The following ZNF347 variants were observed in gnomAD, a reference collection of about 807,000 sequenced individuals.
ZNF347 encodes the protein CTD-2620I22.7.
A neutral mutation model predicts 12.9 loss-of-function variants in ZNF347; 19 were observed. That is an observed-to-expected ratio of 1.47 (90% CI 1.03 to 2.16). ZNF347 has a LOEUF of 2.16. Among genes scored for constraint, ZNF347 ranks in the 30% most tolerant of loss-of-function variants. The probability of loss-of-function intolerance (pLI) is 0.00; values close to 1 mark genes in which losing one functional copy is unlikely to be tolerated. For synonymous variants in ZNF347, 328 were observed against 340.6 expected, an observed-to-expected ratio of 0.96 and a Z score of 0.41; for missense variants, 1,005 against 990.6, an observed-to-expected ratio of 1.01 and a Z score of -0.19.
chr19:53,152,116 G>T (rs780698886), intron 2 of ZNF347, among the ~76,000 whole-genome samples: 1 of 140,786 alleles, frequency 7.1e-6, no homozygotes, highest in African/African-American at 2.6e-5. Context: ...AAAAAATCAT[G>T]ATGTGTGCTT....
At chr19:53,148,078 C>G (rs1157223383) in intron 4 of ZNF347, among the ~76,000 whole-genome samples, 1 of 152,132 alleles carries the variant, frequency 6.6e-6, no homozygotes, top group East Asian at 1.9e-4. Flanking sequence ...AAACTGAAAG[C>G]CTTTCTGCTA....
In ZNF347 at chr19:53,138,975, T is replaced by TAA. The variant is rs1365159134; in HGVS notation, c.*1331_*1332dup. ...TTTCTGACCAAGCTCTCCACTCTAA[T>TAA]AACTGTTACCTCTTCAATTTCAAAA... On this transcript the variant is annotated 3_prime_UTR_variant, in exon 5 of 5. Transcript: ENST00000334197. 6.6e-6 allele frequency: 1 copy of TAA among 152,176 alleles called. No individual in the cohort carries two copies. Among genetic ancestry groups the TAA allele is most frequent in the Non-Finnish European group, 1.5e-5 (1 of 68,034 alleles). 9.4% of individuals were successfully genotyped at this position (152,176 alleles called of 1,614,324 possible).
rs2090382457 is a variant in ZNF347 at position 53,135,359 on chromosome 19, G to GAGAGAGAA, written c.*4948_*4949insTTCTCTCT. ...ATATATAGAGAGAGAGAGAGAGAGA[G>GAGAGAGAA]AGAGAGAGAAAGAGAGAGAGAGAGA... is the stretch of plus-strand genomic sequence containing the variant. On this transcript the variant is annotated 3_prime_UTR_variant, in exon 5 of 5. Transcript: ENST00000334197. The GAGAGAGAA allele has an allele frequency of 7.9e-6, 1 of 127,304 alleles. No homozygotes were observed. Among genetic ancestry groups the GAGAGAGAA allele is most frequent in the South Asian group, 2.4e-4 (1 of 4,156 alleles). 7.9% of individuals were successfully genotyped at this position (127,304 alleles called of 1,614,324 possible).
chr19:53,150,433 AG>A (rs1184501192), intron 2 of ZNF347, among the ~76,000 whole-genome samples: 2 of 152,224 alleles, frequency 1.3e-5, no homozygotes, highest in Non-Finnish European at 2.9e-5. Flanking sequence ...CTTCTATAAG[AG>A]GTTATGATAG....
rs1306116370 is a variant in ZNF347 at position 53,135,803 on chromosome 19, A to C, written c.*4505T>G. ...CATTAATAACTGTGATTCTTACTCTAAATGTGATTGATATAAAATATATAT... is the reference window on the plus strand; with the variant it reads ...CATTAATAACTGTGATTCTTACTCTCAATGTGATTGATATAAAATATATAT... On this transcript the variant is annotated 3_prime_UTR_variant, in exon 5 of 5. Coordinates refer to ENST00000334197, the MANE Select transcript of ZNF347 (RefSeq NM_032584.3). 1 of 152,234 alleles carries C rather than the reference A, an allele frequency of 6.6e-6. No individual in the cohort carries two copies. Among genetic ancestry groups the C allele is most frequent in the African/African-American group, 2.4e-5 (1 of 41,454 alleles). The allele number at this position is 152,234 out of a possible 1,614,324, so 9.4% of individuals were successfully genotyped here. A position where few individuals can be genotyped will look rare whatever the true frequency, so the allele number is the denominator to read the frequency against.
At chr19:53,149,864 G>C (rs764199628) in intron 2 of ZNF347, among the ~76,000 whole-genome samples, 5 of 151,982 alleles carry the variant, frequency 3.3e-5, no homozygotes, top group Non-Finnish European at 7.4e-5. Flanking sequence ...ACCAAAGACA[G>C]CACTCAGCCT....
chr19:53,155,278 A>G (rs1395850117), intron 1 of ZNF347, among the ~76,000 whole-genome samples: 2 of 149,554 alleles, frequency 1.3e-5, no homozygotes, highest in Admixed American at 1.4e-4. Context: ...AGCGTAGAAG[A>G]AAAAAAGACT....
At chr19:53,153,589 A>G (rs1020518817) in intron 2 of ZNF347, 144 bp downstream of exon 2, 11 of 1,442,716 alleles carry the variant, frequency 7.6e-6, no homozygotes, top group Non-Finnish European at 9.7e-6. Flanking sequence ...AAGTGAGATG[A>G]GAGGGACTGA....
Position 53,156,389 on chromosome 19 carries a change from C to T in ZNF347, c.-46-2596G>A, listed in dbSNP as rs549283806. On this transcript the variant is annotated intron_variant, in intron 1 of 4. Coordinates refer to ENST00000334197, the MANE Select transcript of ZNF347 (RefSeq NM_032584.3). ...CTGCACTCCAGCCTGGACAACAGAG[C>T]GAGACTGTTTCAAAAAGAAAAAAAA... 1.2e-4 allele frequency among the ~76,000 whole-genome samples: 18 copies of T among 150,260 alleles called. No individual in the cohort carries two copies. The South Asian group carries it at 1.5e-3, about 12-fold the overall frequency.
Position 53,138,659 on chromosome 19 carries a change from A to G in ZNF347, c.*1649T>C, listed in dbSNP as rs2090400090. The G allele has an allele frequency of 6.6e-6, 1 of 152,044 alleles. No individual in the cohort carries two copies. The highest frequency in any genetic ancestry group is 1.5e-5 in the Non-Finnish European group (1 of 67,996). 9.4% of individuals were successfully genotyped at this position (152,044 alleles called of 1,614,324 possible). On this transcript the variant is annotated 3_prime_UTR_variant, in exon 5 of 5. Coordinates refer to ENST00000334197, the MANE Select transcript of ZNF347 (RefSeq NM_032584.3). The stretch of plus-strand genomic sequence containing the variant: ...CAGAGTATGATTACATTTTCCCAAA[A>G]TTGTATGTTGATTCCACAAAGAAAA...
At chr19:53,144,222 T>A (rs1164132424) in intron 4 of ZNF347, among the ~76,000 whole-genome samples, 1 of 152,126 alleles carries the variant, frequency 6.6e-6, no homozygotes, top group Admixed American at 6.5e-5. Context: ...TAACTATATG[T>A]TGCCTACAAC....
chr19:53,157,624 C>T (rs2090544096), intron 1 of ZNF347, among the ~76,000 whole-genome samples: 1 of 152,248 alleles, frequency 6.6e-6, no homozygotes, highest in East Asian at 1.9e-4. Flanking sequence ...CCCATCTCTG[C>T]TCCCTCTGTT....
chr19:53,146,098 C>T (rs543079788), intron 4 of ZNF347, among the ~76,000 whole-genome samples: 2 of 152,060 alleles, frequency 1.3e-5, no homozygotes, highest in South Asian at 4.1e-4. Context: ...GCCTCAGCCT[C>T]CCGAGTAGCT....
At position 53,148,800 on chromosome 19, in the gene ZNF347, C is replaced by T. The variant is rs770505528; in HGVS notation, c.152G>A (p.Cys51Tyr). 6.8e-6 allele frequency: 11 copies of T among 1,613,088 alleles called. No homozygotes were observed. Among genetic ancestry groups the T allele is most frequent in the Middle Eastern group, 1.7e-4 (1 of 6,056 alleles). Residue 51 changes from cysteine to tyrosine, a missense_variant, in exon 4 of 5, where the codon TGT becomes TAT. Physicochemically the swap from Cys to Tyr is radical, Grantham distance 194. Coordinates refer to ENST00000334197, the MANE Select transcript of ZNF347 (RefSeq NM_032584.3). ...CATAGAGATAATACTGAGGTCAAAA[C>T]AAGAGATTCCTGCTTATGAAAAGAA... ...YRNLASLGIS[C>Y]FDLSIISMLE...
At position 53,135,369 on chromosome 19, in the gene ZNF347, A is replaced by AGAGAGAGAG. The variant is rs2090382771; in HGVS notation, c.*4938_*4939insCTCTCTCTC. The AGAGAGAGAG allele has an allele frequency of 8.0e-5, 7 of 87,910 alleles. No individual in the cohort carries two copies. The highest frequency in any genetic ancestry group is 3.2e-4 in the African/African-American group (7 of 22,144). The allele number at this position is 87,910 out of a possible 1,614,324, so 5.4% of individuals were successfully genotyped here. On this transcript the variant is annotated 3_prime_UTR_variant, in exon 5 of 5. Transcript: ENST00000334197. ...AGAGAGAGAGAGAGAGAGAGAGAGA[A>AGAGAGAGAG]AGAGAGAGAGAGAGAGAGAGAGAGA...
At position 53,138,026 on chromosome 19, in the gene ZNF347, C is replaced by G. The variant is rs1464093048; in HGVS notation, c.*2282G>C. ...GTTTCACTGTGTTGGCCAGGGTGGT[C>G]TCGATTTTCTGACCCCATGATCCAC... On this transcript the variant is annotated 3_prime_UTR_variant, in exon 5 of 5. Coordinates refer to ENST00000334197, the MANE Select transcript of ZNF347 (RefSeq NM_032584.3). 6.6e-6 allele frequency: 1 copy of G among 152,082 alleles called. No individual in the cohort carries two copies. The highest frequency in any genetic ancestry group is 2.4e-5 in the African/African-American group (1 of 41,418). The allele number at this position is 152,082 out of a possible 1,614,324, so 9.4% of individuals were successfully genotyped here. A position where few individuals can be genotyped will look rare whatever the true frequency, so the allele number is the denominator to read the frequency against.
At chr19:53,143,741 C>G (rs1424229848) in intron 4 of ZNF347, among the ~76,000 whole-genome samples, 1 of 151,926 alleles carries the variant, frequency 6.6e-6, no homozygotes, top group Admixed American at 6.6e-5. Context: ...GGGTATATAC[C>G]CAGTAATGGG....
In ZNF347 at chr19:53,141,926, C is replaced by G. The variant is rs572008610; in HGVS notation, c.902G>C (p.Arg301Pro). Residue 301 changes from arginine to proline, a missense_variant, in exon 5 of 5, where the codon CGT becomes CCT. By Grantham distance (103) the Arg-to-Pro change is moderately radical. Transcript: ENST00000334197. ...CACCTGATGGGTAGTTAGGTTTGAA[C>G]GTGTTCTAAAGGCTTTGCCACACTC... ...CYECGKAFRT[R>P]SNLTTHQVIH... 6 of 1,613,160 alleles carry G rather than the reference C, an allele frequency of 3.7e-6. No individual in the cohort carries two copies. The South Asian group carries it at 6.6e-5, about 18-fold the overall frequency.
rs1291432145 is a variant in ZNF347 at position 53,137,198 on chromosome 19, G to T, written c.*3110C>A. 1 of 151,978 alleles carries T rather than the reference G, an allele frequency of 6.6e-6. No individual in the cohort carries two copies. Among genetic ancestry groups the T allele is most frequent in the African/African-American group, 2.4e-5 (1 of 41,420 alleles). 9.4% of individuals were successfully genotyped at this position (151,978 alleles called of 1,614,324 possible). On this transcript the variant is annotated 3_prime_UTR_variant, in exon 5 of 5. Transcript: ENST00000334197. ...TGTAATTTCTGGCCATGCCTGGCCA[G>T]AAATCAGAAGTTGCAAGAGTAAATA... is the stretch of plus-strand genomic sequence containing the variant.
Sources: allele counts gnomAD v4.1 joint callset (sites outside exome capture counted in the v4.1 genomes callset), GRCh38; gene constraint gnomAD v4.1.1; transcripts MANE v1.5; gene names NCBI Gene and HGNC (gene_info 2026-07-23, HGNC 2026-07-21).